The following TRPM3 variants were observed in gnomAD, a reference collection of about 807,000 sequenced individuals.
The protein encoded by TRPM3 is long transient receptor potential channel 3.
A neutral mutation model predicts 181.2 loss-of-function variants in TRPM3; 77 were observed. That is an observed-to-expected ratio of 0.42 (90% confidence interval 0.35 to 0.51). TRPM3 has a LOEUF of 0.51. Among genes scored for constraint, TRPM3 ranks in the 20% least tolerant of loss-of-function variants. TRPM3 has a pLI of 0.01. For synonymous variants in TRPM3, 745 were observed against 796.4 expected, an observed-to-expected ratio of 0.94 and a Z score of 1.09; for missense variants, 1,759 against 2,196.7, an observed-to-expected ratio of 0.80 and a Z score of 3.98.
At chr9:71,114,000 C>A (rs2134253425) in intron 1 of TRPM3, among the ~76,000 whole-genome samples, 1 of 152,266 alleles carries the variant, frequency 6.6e-6, no homozygotes, top group South Asian at 2.1e-4. Flanking sequence ...AGTCTTGGAT[C>A]ACACTTTGAG....
At chr9:70,873,599 T>C (rs1400130167) in intron 1 of TRPM3, among the ~76,000 whole-genome samples, 1 of 151,992 alleles carries the variant, frequency 6.6e-6, no homozygotes, top group Admixed American at 6.6e-5. Flanking sequence ...GGTTCTTCCT[T>C]CTCTACTCGA....
chr9:70,655,710 T>C (rs1388821826), intron 9 of TRPM3, among the ~76,000 whole-genome samples: 1 of 152,220 alleles, frequency 6.6e-6, no homozygotes, highest in Non-Finnish European at 1.5e-5. Context: ...TTTTTCTCTT[T>C]GTACCTTATG....
chr9:70,917,337 A>G, intron 1 of TRPM3: 1 of 1,168,840 alleles, frequency 8.6e-7, no homozygotes, highest in Admixed American at 1.7e-5. Flanking sequence ...GCTCCAGAAT[A>G]TGGAGATACT....
intron 1 of TRPM3, among the ~76,000 whole-genome samples, chr9:71,392,950 A>C (rs2093097335): frequency 6.6e-6 from 1 of 152,166 alleles, no homozygotes; most frequent in Admixed American, 6.6e-5. Flanking sequence ...AATATAGAAC[A>C]ATGTAGAAAG....
chr9:71,349,459 A>T (rs2091475171), intron 1 of TRPM3, among the ~76,000 whole-genome samples: 1 of 152,212 alleles, frequency 6.6e-6, no homozygotes, highest in African/African-American at 2.4e-5. Flanking sequence ...CCAGAAAACC[A>T]GCAAAGAGAA....
At chr9:70,584,275 G>A (rs537792188) in intron 22 of TRPM3, among the ~76,000 whole-genome samples, 6 of 152,118 alleles carry the variant, frequency 3.9e-5, no homozygotes, top group Admixed American at 2.0e-4. Flanking sequence ...CCACCTCTCT[G>A]TTACCTTTTC....
At chr9:71,305,202 G>C (rs942328764) in intron 1 of TRPM3, among the ~76,000 whole-genome samples, 1 of 152,174 alleles carries the variant, frequency 6.6e-6, no homozygotes, top group Admixed American at 6.5e-5. Context: ...AAAATGAATG[G>C]ACAGAAATGT....
chr9:71,255,624 C>G (rs936411725), intron 1 of TRPM3, among the ~76,000 whole-genome samples: 1 of 152,186 alleles, frequency 6.6e-6, no homozygotes, highest in African/African-American at 2.4e-5. Flanking sequence ...GAAGTCTATT[C>G]TGGTTTAATT....
intron 9 of TRPM3, among the ~76,000 whole-genome samples, chr9:70,667,746 T>A (rs562644857): frequency 6.6e-6 from 1 of 152,224 alleles, no homozygotes; most frequent in Non-Finnish European, 1.5e-5. Flanking sequence ...CAGTTTGATA[T>A]CAGCTTAATA....
chr9:70,906,460 G>C (rs1319582105), intron 1 of TRPM3, among the ~76,000 whole-genome samples: 1 of 152,144 alleles, frequency 6.6e-6, no homozygotes, highest in African/African-American at 2.4e-5. Flanking sequence ...TTAAATTAGT[G>C]CCATCTTTTT....
At chr9:71,246,646 G>T (rs900245137) in intron 1 of TRPM3, among the ~76,000 whole-genome samples, 1 of 152,290 alleles carries the variant, frequency 6.6e-6, no homozygotes, top group Admixed American at 6.5e-5. Flanking sequence ...AAATTAACTG[G>T]CATTCGCATA....
intron 1 of TRPM3, among the ~76,000 whole-genome samples, chr9:71,325,537 T>C (rs1474199719): frequency 1.3e-5 from 2 of 152,214 alleles, no homozygotes; most frequent in African/African-American, 4.8e-5. Flanking sequence ...AAAATCCACT[T>C]TTACTCAGAG....
At chr9:71,092,134 A>G (rs1166112812) in intron 1 of TRPM3, among the ~76,000 whole-genome samples, 5 of 152,140 alleles carry the variant, frequency 3.3e-5, no homozygotes, top group Non-Finnish European at 7.4e-5. Context: ...GAGATACTTA[A>G]TAAGTACTAA....
At chr9:70,686,438 C>CTGA (rs1289429324) in intron 8 of TRPM3, among the ~76,000 whole-genome samples, 2 of 152,282 alleles carry the variant, frequency 1.3e-5, no homozygotes, top group East Asian at 3.9e-4. Context: ...ATTAGCTACT[C>CTGA]TGAGGGGAGT....
At chr9:71,154,828 G>A (rs1214700719) in intron 1 of TRPM3, among the ~76,000 whole-genome samples, 1 of 152,168 alleles carries the variant, frequency 6.6e-6, no homozygotes, top group Non-Finnish European at 1.5e-5. Context: ...TTGGAAAGCA[G>A]TGGCACCAAA....
intron 1 of TRPM3, among the ~76,000 whole-genome samples, chr9:71,250,096 A>G (rs2082257327): frequency 6.6e-6 from 1 of 152,198 alleles, no homozygotes; most frequent in Non-Finnish European, 1.5e-5. Flanking sequence ...TACATGACAG[A>G]CTCATAAGGA....
At chr9:71,036,451 A>G (rs563208478) in intron 1 of TRPM3, among the ~76,000 whole-genome samples, 5 of 152,314 alleles carry the variant, frequency 3.3e-5, no homozygotes, top group African/African-American at 1.2e-4. Context: ...AATTTCACTT[A>G]TTTATGGATA....
intron 1 of TRPM3, among the ~76,000 whole-genome samples, chr9:71,176,164 G>T (rs1481727712): frequency 6.6e-6 from 1 of 152,126 alleles, no homozygotes; most frequent in Non-Finnish European, 1.5e-5. Flanking sequence ...TTTTAAAAAT[G>T]TTAACTGTAA....
At chr9:71,405,919 G>C (rs1354261970) in intron 1 of TRPM3, among the ~76,000 whole-genome samples, 1 of 152,120 alleles carries the variant, frequency 6.6e-6, no homozygotes, top group Non-Finnish European at 1.5e-5. Flanking sequence ...AGAAGTAATA[G>C]AATAAAAACA....
Sources: allele counts gnomAD v4.1 joint callset (sites outside exome capture counted in the v4.1 genomes callset), GRCh38; gene constraint gnomAD v4.1.1; transcripts MANE v1.5; gene names NCBI Gene and HGNC (gene_info 2026-07-23, HGNC 2026-07-21).